Variants in ULK4 observed in about 807,000 individuals in gnomAD.
ULK4 encodes unc-51 like kinase 4.
Under a neutral mutation model 160.6 loss-of-function variants are expected in ULK4, and 133 were observed. That is an observed-to-expected ratio of 0.83 (90% CI 0.72 to 0.96). The LOEUF is 0.96. ULK4 is among the 40% of genes least tolerant of loss of function. ULK4 has a pLI of 0.00. For missense variants in ULK4, 1,580 were observed against 1,499.5 expected, an observed-to-expected ratio of 1.05 and a Z score of -0.89; for synonymous variants, 534 against 539.8, an observed-to-expected ratio of 0.99 and a Z score of 0.15.
chr3:41,725,642 T>C (rs2037622884), intron 22 of ULK4, among the ~76,000 whole-genome samples: 1 of 152,246 alleles, frequency 6.6e-6, no homozygotes, highest in African/African-American at 2.4e-5. Flanking sequence ...TTTTAAAGTC[T>C]GTATCTGATA....
chr3:41,857,257 A>AT (rs2042383184), intron 17 of ULK4, among the ~76,000 whole-genome samples: 1 of 152,158 alleles, frequency 6.6e-6, no homozygotes, highest in South Asian at 2.1e-4. Context: ...GACACTTCAT[A>AT]TCTCCTCCTC....
At chr3:41,390,558 T>C (rs1359896015) in intron 35 of ULK4, among the ~76,000 whole-genome samples, 1 of 152,232 alleles carries the variant, frequency 6.6e-6, no homozygotes, top group African/African-American at 2.4e-5. Flanking sequence ...GAGATTCTGG[T>C]ATGTTGTGTC....
chr3:41,715,207 T>C (rs767949230), intron 25 of ULK4, 30 bp downstream of exon 25: 5 of 1,602,846 alleles, frequency 3.1e-6, no homozygotes, highest in African/African-American at 1.3e-5. Context: ...ACAATTTTAT[T>C]AGAAACAAGG....
chr3:41,438,771 G>A (rs1157781193), intron 34 of ULK4, among the ~76,000 whole-genome samples: 2 of 151,990 alleles, frequency 1.3e-5, no homozygotes, highest in Non-Finnish European at 2.9e-5. Flanking sequence ...AGGCTGCCAT[G>A]AGCTGTGATC....
intron 35 of ULK4, among the ~76,000 whole-genome samples, chr3:41,326,652 AT>A (rs1305116922): frequency 7.2e-5 from 11 of 152,162 alleles, no homozygotes; most frequent in Non-Finnish European, 2.9e-5. Flanking sequence ...TTTGGCAGTC[AT>A]GTGTAAAGTA....
chr3:41,676,704 C>A (rs780880902), intron 29 of ULK4, among the ~76,000 whole-genome samples: 11 of 152,016 alleles, frequency 7.2e-5, no homozygotes, highest in Non-Finnish European at 1.6e-4. Context: ...AGAAACATGT[C>A]TGTGAAATAA....
chr3:41,309,858 T>C (rs2080016231), intron 35 of ULK4, among the ~76,000 whole-genome samples: 1 of 151,932 alleles, frequency 6.6e-6, no homozygotes, highest in Admixed American at 6.6e-5. Context: ...CAAATGAATT[T>C]TGGTAAATAT....
intron 32 of ULK4, among the ~76,000 whole-genome samples, chr3:41,486,524 C>T (rs1048600567): frequency 1.3e-5 from 2 of 152,098 alleles, no homozygotes; most frequent in East Asian, 1.9e-4. Context: ...AAAGACTGAA[C>T]GGTGTCAGGT....
At chr3:41,598,552 C>A (rs755155320) in intron 31 of ULK4, among the ~76,000 whole-genome samples, 2 of 152,072 alleles carry the variant, frequency 1.3e-5, no homozygotes, top group East Asian at 3.8e-4. Context: ...ATTCTTCACA[C>A]GTAAATCATG....
At position 41,935,832 on chromosome 3, in the gene ULK4, C is replaced by T. The variant is rs758186802; in HGVS notation, c.347G>A (p.Gly116Asp). 2.5e-6 allele frequency: 4 copies of T among 1,611,240 alleles called. No homozygotes were observed. In the African/African-American group the frequency reaches 4.0e-5, roughly 16 times the overall value. Reference sequence around the variant, plus strand: ...AGGAGAAATGTCACAAAAGAGAATGCCAAGTTTATGAAGATGATGTAATCC... The same window carrying T: ...AGGAGAAATGTCACAAAAGAGAATGTCAAGTTTATGAAGATGATGTAATCC... Reference protein sequence around the residue: ...ISGLHHLHKLGILFCDISPRK... With the variant: ...ISGLHHLHKLDILFCDISPRK... Residue 116 changes from glycine (G) to aspartate (D), a missense_variant, in exon 4 of 37, where the codon GGC (glycine) becomes GAC (aspartate). Physicochemically the swap from Gly to Asp is moderately conservative, Grantham distance 94. Transcript: ENST00000301831.
chr3:41,499,437 C>G (rs960653546), intron 32 of ULK4, among the ~76,000 whole-genome samples: 2 of 152,142 alleles, frequency 1.3e-5, no homozygotes, highest in Non-Finnish European at 2.9e-5. Context: ...TATTTCCTGG[C>G]AAAGTGGCAG....
chr3:41,713,035 G>A (rs1043179301), intron 25 of ULK4, among the ~76,000 whole-genome samples: 1 of 151,610 alleles, frequency 6.6e-6, no homozygotes, highest in Admixed American at 6.6e-5. Flanking sequence ...TCTGTGGATT[G>A]GGCTACAGAA....
At chr3:41,893,010 T>C (rs758944990) in intron 16 of ULK4, among the ~76,000 whole-genome samples, 8 of 152,232 alleles carry the variant, frequency 5.3e-5, no homozygotes, top group Admixed American at 1.3e-4. Context: ...GTCTCCGTGA[T>C]TGGCTTTCTG....
intron 32 of ULK4, 26 bp downstream of exon 32, chr3:41,565,999 A>T: frequency 6.3e-7 from 1 of 1,583,112 alleles, no homozygotes; most frequent in Non-Finnish European, 8.7e-7. Context: ...AAACTTGATC[A>T]GAGAGTAATT....
intron 35 of ULK4, among the ~76,000 whole-genome samples, chr3:41,264,501 G>C (rs1226687060): frequency 6.6e-6 from 1 of 152,216 alleles, no homozygotes; most frequent in African/African-American, 2.4e-5. Flanking sequence ...ACGCATTTTA[G>C]ACCCTCTCTT....
At chr3:41,379,167 C>T (rs1218220954) in intron 35 of ULK4, among the ~76,000 whole-genome samples, 1 of 150,980 alleles carries the variant, frequency 6.6e-6, no homozygotes, top group Admixed American at 6.6e-5. Context: ...AATAAACCTG[C>T]ACATTCTGTA....
intron 19 of ULK4, among the ~76,000 whole-genome samples, chr3:41,809,234 A>C (rs1190910080): frequency 6.6e-6 from 1 of 151,878 alleles, no homozygotes; most frequent in Non-Finnish European, 1.5e-5. Flanking sequence ...AGATGTTTGT[A>C]AGGTTTATTT....
intron 32 of ULK4, among the ~76,000 whole-genome samples, chr3:41,495,020 G>C (rs2084934878): frequency 6.6e-6 from 1 of 151,980 alleles, no homozygotes; most frequent in Non-Finnish European, 1.5e-5. Context: ...GTAATTTATA[G>C]ATTCAATGCC....
At chr3:41,867,395 G>C (rs563132046) in intron 17 of ULK4, among the ~76,000 whole-genome samples, 2 of 151,940 alleles carry the variant, frequency 1.3e-5, no homozygotes, top group African/African-American at 2.4e-5. Context: ...TTGTTGTTTT[G>C]GGGGGGCAAG....
Sources: gnomAD v4.1 joint callset for allele counts (sites outside exome capture counted in the v4.1 genomes callset) on GRCh38, gnomAD v4.1.1 for gene constraint, MANE v1.5 for transcripts, NCBI Gene and HGNC (gene_info 2026-07-23, HGNC 2026-07-21) for gene names.